The following KIAA1549L variants were observed in gnomAD, a reference collection of about 807,000 sequenced individuals.
KIAA1549L encodes the protein KIAA1549 like, also known as UPF0606 protein KIAA1549L.
A neutral mutation model predicts 160.7 loss-of-function variants in KIAA1549L; 88 were observed. That is an observed-to-expected ratio of 0.55 (90% CI 0.46 to 0.65). KIAA1549L has a LOEUF of 0.65. Ranked by LOEUF, KIAA1549L falls within the 30% of genes least tolerant of loss-of-function variation. The pLI is 0.00. For missense variants in KIAA1549L, 2,258 were observed against 2,437.5 expected (o/e 0.93, Z 1.55); for synonymous variants, 950 against 976.7 (o/e 0.97, Z 0.51).
intron 17 of KIAA1549L, among the ~76,000 whole-genome samples, chr11:33,651,493 C>T (rs936982971): frequency 9.6e-6 from 1 of 103,872 alleles, no homozygotes. Flanking sequence ...TCTTTTGTGC[C>T]TCCTTCTTCC....
intron 1 of KIAA1549L, among the ~76,000 whole-genome samples, chr11:33,452,375 A>G (rs964765300): frequency 3.3e-5 from 5 of 152,192 alleles, no homozygotes; most frequent in Non-Finnish European, 7.3e-5. Context: ...TGGGAGGCCA[A>G]GGCAGGTGGA....
chr11:33,580,720 A>G (rs1855612740), intron 10 of KIAA1549L, among the ~76,000 whole-genome samples: 1 of 152,190 alleles, frequency 6.6e-6, no homozygotes, highest in Non-Finnish European at 1.5e-5. Context: ...TGCTCTGGGC[A>G]CTGGAGATAG....
At chr11:33,646,242 T>A (rs533938094) in intron 17 of KIAA1549L, among the ~76,000 whole-genome samples, 1 of 152,340 alleles carries the variant, frequency 6.6e-6, no homozygotes, top group East Asian at 1.9e-4. Flanking sequence ...CACGTGAGAA[T>A]CCCTTCTTTC....
At chr11:33,637,328 G>T (rs559443654) in intron 16 of KIAA1549L, among the ~76,000 whole-genome samples, 1 of 152,216 alleles carries the variant, frequency 6.6e-6, no homozygotes. Context: ...GGCCAGAGCC[G>T]CAAGCAAGTG....
rs997113143 is a variant in KIAA1549L at position 33,386,507 on chromosome 11, C to G, written c.238+9618C>G. ...ACCAGCCTGGCCAACATGGTGAAACCCTGTCTCTACTAAAAACACAAAAAA... is the reference window on the plus strand; with the variant it reads ...ACCAGCCTGGCCAACATGGTGAAACGCTGTCTCTACTAAAAACACAAAAAA... On this transcript the variant is annotated intron_variant, in intron 1 of 20. Coordinates refer to ENST00000658780, the MANE Select transcript of KIAA1549L (RefSeq NM_012194.3). 6.6e-5 allele frequency among the ~76,000 whole-genome samples: 10 copies of G among 151,920 alleles called. 1 individual carries two copies. The East Asian group carries it at 1.9e-3, about 29-fold the overall frequency.
chr11:33,637,700 G>T (rs1360931210), intron 16 of KIAA1549L, among the ~76,000 whole-genome samples: 3 of 152,146 alleles, frequency 2.0e-5, no homozygotes, highest in Non-Finnish European at 4.4e-5. Context: ...TTTATGAAAG[G>T]CCATCTCTTC....
intron 17 of KIAA1549L, among the ~76,000 whole-genome samples, chr11:33,655,806 A>T (rs1338843507): frequency 6.6e-6 from 1 of 152,204 alleles, no homozygotes; most frequent in East Asian, 1.9e-4. Context: ...AGGGCCCTGT[A>T]AGTACAGTGG....
chr11:33,576,086 G>C (rs1411494195), intron 10 of KIAA1549L, among the ~76,000 whole-genome samples: 2 of 152,264 alleles, frequency 1.3e-5, no homozygotes, highest in East Asian at 3.9e-4. Flanking sequence ...GAAGGGGAAA[G>C]GGTATGAAGG....
In KIAA1549L at chr11:33,614,559, TATATATATATATATATATATATATA is replaced by T. The variant is rs1352326278; in HGVS notation, c.5280-3973_5280-3949del. Among the ~76,000 whole-genome samples, 40 of 16,198 alleles carry T rather than the reference TATATATATATATATATATATATATA, an allele frequency of 2.5e-3. 2 individuals carry two copies. The highest frequency in any genetic ancestry group is 0.012 in the African/African-American group (29 of 2,450). 10.6% of individuals were successfully genotyped at this position (16,198 alleles called of 152,430 possible). ...ATATATATATATATATATATATATA[TATATATATATATATATATATATATA>T]TTTTTTTTTTTTTTTTTTTTTTTTT... On this transcript the variant is annotated intron_variant, in intron 15 of 20. Transcript: ENST00000658780.
At chr11:33,641,128 G>A (rs996967026) in intron 16 of KIAA1549L, among the ~76,000 whole-genome samples, 4 of 152,318 alleles carry the variant, frequency 2.6e-5, no homozygotes, top group South Asian at 2.1e-4. Context: ...GCAGAGCTCC[G>A]AGAGACTGAG....
chr11:33,606,127 G>GAA (rs34777358), intron 13 of KIAA1549L, among the ~76,000 whole-genome samples: 30 of 146,938 alleles, frequency 2.0e-4, no homozygotes, highest in African/African-American at 7.5e-4. Flanking sequence ...TTCAGAAGAG[G>GAA]AAAAAAAAAA....
chr11:33,541,841 A>G lies in KIAA1549L; in HGVS notation c.278A>G (p.Glu93Gly), dbSNP rs1287686630. Reference sequence around the variant, plus strand: ...CAGATGAATGTCACCCGGACTCCAGAGTCATTTCCTCCCGGGAAATTGTTA... The same window carrying G: ...CAGATGAATGTCACCCGGACTCCAGGGTCATTTCCTCCCGGGAAATTGTTA... ...NLQMNVTRTP[E>G]SFPPGKLLPI... The change falls in exon 2 of 21, where the codon GAG becomes GGG. Residue 93 changes from glutamate to glycine, a missense_variant. Physicochemically the swap from Glu to Gly is moderately conservative, Grantham distance 98 (BLOSUM62 -2). Around this residue, in one of 6 missense-constraint regions of KIAA1549L, gnomAD observed 540 missense variants for 465.7 expected, o/e 1.16. Coordinates refer to ENST00000658780, the MANE Select transcript of KIAA1549L (RefSeq NM_012194.3). 2 of 293,458 alleles carry G rather than the reference A, an allele frequency of 6.8e-6. No individual in the cohort carries two copies. Among genetic ancestry groups the G allele is most frequent in the Non-Finnish European group, 1.4e-5 (2 of 143,508 alleles). 18.2% of individuals were successfully genotyped at this position (293,458 alleles called of 1,614,324 possible). A position where few individuals can be genotyped will look rare whatever the true frequency, so the allele number is the denominator to read the frequency against.
intron 16 of KIAA1549L, among the ~76,000 whole-genome samples, chr11:33,638,441 T>A (rs369669738): frequency 0.16 from 3,880 of 23,854 alleles, 84 homozygotes; most frequent in Admixed American, 0.29. Flanking sequence ...AAAAAATAAA[T>A]AAATAAATAA....
chr11:33,648,719 A>G (rs1037540093), intron 17 of KIAA1549L, among the ~76,000 whole-genome samples: 6 of 151,760 alleles, frequency 4.0e-5, no homozygotes, highest in African/African-American at 7.3e-5. Context: ...TCCACATCTA[A>G]TGTCCAATCC....
At chr11:33,606,571 A>C (rs2076625) in intron 13 of KIAA1549L, 70 bp from the exon 14 acceptor site, 393,777 of 1,483,146 alleles carry the variant, frequency 0.27, 59,274 homozygotes, top group African/African-American at 0.65. Flanking sequence ...CTGTGAGTCT[A>C]ACATAAATTC....
At chr11:33,383,018 T>A (rs1298244757) in intron 1 of KIAA1549L, among the ~76,000 whole-genome samples, 2 of 152,166 alleles carry the variant, frequency 1.3e-5, no homozygotes, top group African/African-American at 2.4e-5. Flanking sequence ...AAGTACAGTG[T>A]TACTGTACTT....
chr11:33,606,665 G>A lies in KIAA1549L; in HGVS notation c.4904G>A (p.Gly1635Glu), dbSNP rs1212974967. ...GTGCCAGCGAGTGACGAAGAGGAGG[G>A]AGCGGTTCTATTTGACAACTCCAGC... ...RNVPASDEEE[G>E]AVLFDNSSKV... The change falls in exon 14 of 21, where the codon GGA becomes GAA. Residue 1635 changes from glycine to glutamate, a missense_variant. Transcript: ENST00000658780. 1.9e-6 allele frequency: 3 copies of A among 1,613,818 alleles called. No homozygotes were observed. Among genetic ancestry groups the A allele is most frequent in the Admixed American group, 3.3e-5 (2 of 59,990 alleles).
chr11:33,485,452 C>T lies in KIAA1549L; in HGVS notation c.239-56350C>T, dbSNP rs141761441. ...TTTAAAGAATAAGTGATTTTCATGACAAAAGTATCTATTTGTTTTTTAAAT... is the reference window on the plus strand; with the variant it reads ...TTTAAAGAATAAGTGATTTTCATGATAAAAGTATCTATTTGTTTTTTAAAT... On this transcript the variant is annotated intron_variant, in intron 1 of 20. Coordinates refer to ENST00000658780, the MANE Select transcript of KIAA1549L (RefSeq NM_012194.3). Among the ~76,000 whole-genome samples, 78 of 152,036 alleles carry T rather than the reference C, an allele frequency of 5.1e-4. No individual in the cohort carries two copies. In the East Asian group the frequency reaches 0.011, roughly 21 times the overall value.
chr11:33,423,064 G>A (rs1350079253), intron 1 of KIAA1549L, among the ~76,000 whole-genome samples: 2 of 152,170 alleles, frequency 1.3e-5, no homozygotes, highest in Admixed American at 1.3e-4. Flanking sequence ...TTCTTTGCTG[G>A]TTTGGCCTTT....
Sources: gnomAD v4.1 joint callset for allele counts (sites outside exome capture counted in the v4.1 genomes callset) on GRCh38, gnomAD v4.1.1 for gene constraint, gnomAD v4.1.1 regional missense constraint, MANE v1.5 for transcripts, NCBI Gene and HGNC (gene_info 2026-07-23, HGNC 2026-07-21) for gene names.